Variants in GNG7 observed in about 807,000 individuals in gnomAD.
GNG7 encodes guanine nucleotide-binding protein G(I)/G(S)/G(O) subunit gamma-7.
In GNG7, 1 loss-of-function variant was observed where a neutral mutation model predicts 4.0. The ratio of observed to expected loss-of-function variants is 0.25; its 90% CI spans 0.09 to 1.18. GNG7 has a LOEUF of 1.18. Among genes scored for constraint, GNG7 ranks in the 50% most tolerant of loss-of-function variants. The pLI is 0.50. For synonymous variants in GNG7, 34 were observed against 36.9 expected, an observed-to-expected ratio of 0.92 and a Z score of 0.29; for missense variants, 86 against 91.9, an observed-to-expected ratio of 0.94 and a Z score of 0.26.
At chr19:2,551,329 G>A (rs1340398955) in intron 3 of GNG7, among the ~76,000 whole-genome samples, 2 of 152,082 alleles carry the variant, frequency 1.3e-5, no homozygotes, top group Admixed American at 1.3e-4. Flanking sequence ...AGACACCACG[G>A]GCACATGCGA....
intron 2 of GNG7, among the ~76,000 whole-genome samples, chr19:2,578,770 C>T (rs553529838): frequency 6.6e-6 from 1 of 152,372 alleles, no homozygotes. Context: ...CCCCCAACAC[C>T]CCGAGACCAA....
At chr19:2,590,338 A>G (rs1980800114) in intron 2 of GNG7, among the ~76,000 whole-genome samples, 1 of 152,220 alleles carries the variant, frequency 6.6e-6, no homozygotes, top group Non-Finnish European at 1.5e-5. Flanking sequence ...ACAATTTTCC[A>G]TATCTTATAG....
intron 1 of GNG7, among the ~76,000 whole-genome samples, chr19:2,697,795 C>A (rs914478905): frequency 2.0e-5 from 3 of 149,910 alleles, no homozygotes; most frequent in African/African-American, 7.5e-5. Context: ...GTCCCCCCCC[C>A]CGCCCGTCTC....
intron 1 of GNG7, among the ~76,000 whole-genome samples, chr19:2,673,288 C>G (rs58646457): frequency 7.3e-6 from 1 of 136,964 alleles, no homozygotes; most frequent in East Asian, 2.4e-4. Flanking sequence ...CAAAACAAAA[C>G]AAAAAAAAAC....
chr19:2,625,785 T>C (rs1982005525), intron 2 of GNG7, among the ~76,000 whole-genome samples: 1 of 151,670 alleles, frequency 6.6e-6, no homozygotes, highest in African/African-American at 2.4e-5. Context: ...TTGGGGTTTT[T>C]TGTTTGTTTT....
rs1982254351 is a variant in GNG7, at chr19:2,634,476, G to A, written c.-78+11748C>T. 6.6e-6 allele frequency among the ~76,000 whole-genome samples: 1 copy of A among 152,214 alleles called. No homozygotes were observed. The highest frequency in any genetic ancestry group is 1.5e-5 in the Non-Finnish European group (1 of 68,044). ...AGCTCTCCTACCGCCGGGAAGCACT[G>A]CCTTGTCCTGGGCTACAGATGTGGA... On this transcript the variant is annotated intron_variant, in intron 2 of 4. Coordinates refer to ENST00000382159, the MANE Select transcript of GNG7 (RefSeq NM_052847.3). The surrounding 1 kb of genome is among the most constrained non-coding windows in gnomAD (Gnocchi z 5.3).
chr19:2,677,542 T>C (rs7246861), intron 1 of GNG7, among the ~76,000 whole-genome samples: 48,257 of 151,778 alleles, frequency 0.32, 8,820 homozygotes, highest in East Asian at 0.56. Flanking sequence ...CACCAGACAC[T>C]AGAAAAAATT....
At position 2,653,598 on chromosome 19, in the gene GNG7, T is replaced by C. The variant is rs982109330; in HGVS notation, c.-134-7318A>G. Among the ~76,000 whole-genome samples the C allele has an allele frequency of 2.6e-5, 4 of 152,294 alleles. No individual in the cohort carries two copies. Among genetic ancestry groups the C allele is most frequent in the Middle Eastern group, 6.8e-3 (2 of 294 alleles). On this transcript the variant is annotated intron_variant, in intron 1 of 4. Coordinates refer to ENST00000382159, the MANE Select transcript of GNG7 (RefSeq NM_052847.3). This position sits in a 1 kb window ranked among gnomAD's most constrained non-coding sequence, Gnocchi z 4.8. ...GGTCTCCCCCTCGGCACTGTGGGCA[T>C]TGGGGCCGGATCATTCTCTGGGGTG... is the stretch of plus-strand genomic sequence containing the variant.
chr19:2,557,237 GCACATGTGCACACACACGTGCACA>G lies in GNG7; in HGVS notation c.-77-2073_-77-2050del, dbSNP rs1568242452. Among the ~76,000 whole-genome samples the G allele has an allele frequency of 1.4e-5, 2 of 147,328 alleles. No homozygotes were observed. The highest frequency in any genetic ancestry group is 5.1e-5 in the African/African-American group (2 of 39,008). On this transcript the variant is annotated intron_variant, in intron 2 of 4. Transcript: ENST00000382159. The surrounding 1 kb of genome is among the most constrained non-coding windows in gnomAD (Gnocchi z 5.1). ...CACAGACACACATGCACACACAGAC[GCACATGTGCACACACACGTGCACA>G]CACATTTGCACACACAGACACGTGC...
rs1372248624 is a variant in GNG7 at position 2,618,355 on chromosome 19, G to A, written c.-78+27869C>T. Among the ~76,000 whole-genome samples, 1 of 145,830 alleles carries A rather than the reference G, an allele frequency of 6.9e-6. No individual in the cohort carries two copies. The highest frequency in any genetic ancestry group is 1.5e-5 in the Non-Finnish European group (1 of 67,804). ...CTGTATGTGTGTGGTGTGTGTGTGT[G>A]TGTGTGTGTGTGTGTGTGTATCTCA... is the stretch of plus-strand genomic sequence containing the variant. On this transcript the variant is annotated intron_variant, in intron 2 of 4. Coordinates refer to ENST00000382159, the MANE Select transcript of GNG7 (RefSeq NM_052847.3). This position sits in a 1 kb window ranked among gnomAD's most constrained non-coding sequence, Gnocchi z 5.1.
In GNG7 at chr19:2,617,656, G is replaced by A. The variant is rs1981756826; in HGVS notation, c.-78+28568C>T. 6.6e-6 allele frequency among the ~76,000 whole-genome samples: 1 copy of A among 152,034 alleles called. No homozygotes were observed. The highest frequency in any genetic ancestry group is 1.5e-5 in the Non-Finnish European group (1 of 68,012). On this transcript the variant is annotated intron_variant, in intron 2 of 4. Coordinates refer to ENST00000382159, the MANE Select transcript of GNG7 (RefSeq NM_052847.3). This position sits in a 1 kb window ranked among gnomAD's most constrained non-coding sequence, Gnocchi z 4.7. ...ATGTCCCCTCCTTAGAGACCTTCCT[G>A]GACACCACGTGGCACAGACTCTCTC...
intron 2 of GNG7, among the ~76,000 whole-genome samples, chr19:2,565,527 A>AAC (rs1568245568): frequency 6.6e-6 from 1 of 151,216 alleles, no homozygotes; most frequent in Non-Finnish European, 1.5e-5. Context: ...AAAAAAAACA[A>AAC]AAACAAAAGC....
Position 2,633,952 on chromosome 19 carries a change from T to C in GNG7, c.-78+12272A>G, listed in dbSNP as rs1045611204. On this transcript the variant is annotated intron_variant, in intron 2 of 4. Coordinates refer to ENST00000382159, the MANE Select transcript of GNG7 (RefSeq NM_052847.3). The surrounding 1 kb of genome is among the most constrained non-coding windows in gnomAD (Gnocchi z 5.9). ...CCACAAATGTCTCCTGGGTGCAAAATTGCCCCGAGTTGAGACCCCCTGGGA... is the reference window on the plus strand; with the variant it reads ...CCACAAATGTCTCCTGGGTGCAAAACTGCCCCGAGTTGAGACCCCCTGGGA... Among the ~76,000 whole-genome samples, 2 of 151,470 alleles carry C rather than the reference T, an allele frequency of 1.3e-5. No individual in the cohort carries two copies. Among genetic ancestry groups the C allele is most frequent in the East Asian group, 4.0e-4 (2 of 5,062 alleles).
intron 2 of GNG7, among the ~76,000 whole-genome samples, chr19:2,578,195 T>TTGAGGGTCTC (rs1226351017): frequency 2.0e-5 from 3 of 151,960 alleles, no homozygotes; most frequent in Non-Finnish European, 2.9e-5. Flanking sequence ...CTTAGGGGCT[T>TTGAGGGTCTC]TGAGGGTCTC....
intron 2 of GNG7, among the ~76,000 whole-genome samples, chr19:2,627,050 C>T (rs1244714022): frequency 6.6e-6 from 1 of 152,180 alleles, no homozygotes; most frequent in South Asian, 2.1e-4. Context: ...GACTCATCTC[C>T]TCTCTCTCTT....
intron 4 of GNG7, among the ~76,000 whole-genome samples, chr19:2,516,067 G>C (rs1257731405): frequency 2.0e-5 from 3 of 151,396 alleles, no homozygotes; most frequent in East Asian, 4.0e-4. Context: ...ATACAAAAAT[G>C]AGCCAGGCAT....
chr19:2,589,834 G>T (rs1296558830), intron 2 of GNG7, among the ~76,000 whole-genome samples: 1 of 151,862 alleles, frequency 6.6e-6, no homozygotes, highest in Admixed American at 6.6e-5. Context: ...TTCAGAACAG[G>T]CCAGTCTCGC....
rs1190955256 is a variant in GNG7, at chr19:2,653,429, C to T, written c.-134-7149G>A. ...CCAGGAGGCTGCACACATTGAAATC[C>T]ACATCCTGAGTGGGGCGGAGGGAGG... On this transcript the variant is annotated intron_variant, in intron 1 of 4. Coordinates refer to ENST00000382159, the MANE Select transcript of GNG7 (RefSeq NM_052847.3). This position sits in a 1 kb window ranked among gnomAD's most constrained non-coding sequence, Gnocchi z 4.8. 1.3e-5 allele frequency among the ~76,000 whole-genome samples: 2 copies of T among 152,322 alleles called. No homozygotes were observed. Among genetic ancestry groups the T allele is most frequent in the Non-Finnish European group, 2.9e-5 (2 of 68,030 alleles).
At chr19:2,686,501 G>A (rs559053346) in intron 1 of GNG7, among the ~76,000 whole-genome samples, 12 of 152,102 alleles carry the variant, frequency 7.9e-5, no homozygotes, top group Non-Finnish European at 1.8e-4. Flanking sequence ...GCAAAGCTGC[G>A]CTCAACACCC....
Sources: gnomAD v4.1 joint callset for allele counts (sites outside exome capture counted in the v4.1 genomes callset) on GRCh38, gnomAD v4.1.1 for gene constraint, Gnocchi (gnomAD v3.1) non-coding constraint, MANE v1.5 for transcripts, NCBI Gene and HGNC (gene_info 2026-07-23, HGNC 2026-07-21) for gene names.